Variants in SERPINF1 observed in about 807,000 individuals in gnomAD.
SERPINF1 encodes pigment epithelium-derived factor.
A neutral mutation model predicts 37.3 loss-of-function variants in SERPINF1; 29 were observed. The ratio of observed to expected loss-of-function variants is 0.78; its 90% CI spans 0.58 to 1.06. The LOEUF (loss-of-function observed/expected upper bound fraction) is 1.06, where lower values mean the gene tolerates loss of function less well. Ranked by LOEUF, SERPINF1 falls within the 50% of genes least tolerant of loss-of-function variation. SERPINF1 has a pLI of 0.00. For missense variants in SERPINF1, 553 were observed against 532.2 expected (o/e 1.04, Z -0.38); for synonymous variants, 281 against 227.9 (o/e 1.23, Z -2.10).
In SERPINF1 at chr17:1,775,094, C is replaced by T. The variant is rs758077212; in HGVS notation, c.680C>T (p.Ser227Phe). 1 of 1,613,938 alleles carries T rather than the reference C, an allele frequency of 6.2e-7. No individual in the cohort carries two copies. Among genetic ancestry groups the T allele is most frequent in the Non-Finnish European group, 8.5e-7 (1 of 1,180,010 alleles). Residue 227 changes from serine to phenylalanine, a missense_variant, in exon 6 of 8, where the codon TCC becomes TTC. Coordinates refer to ENST00000254722, the MANE Select transcript of SERPINF1 (RefSeq NM_002615.7). ...ACAAAGTTTGACTCCAGAAAGACTT[C>T]CCTCGAGGATTTCTACTTGGATGAA... is the stretch of plus-strand genomic sequence containing the variant. ...WVTKFDSRKTSLEDFYLDEER... is the reference protein window; with the variant it reads ...WVTKFDSRKTFLEDFYLDEER...
intron 2 of SERPINF1, 96 bp from the exon 3 acceptor site, chr17:1,769,756 C>T: frequency 2.1e-6 from 3 of 1,397,186 alleles, no homozygotes; most frequent in Non-Finnish European, 3.0e-6. Context: ...CCCAAGGGGC[C>T]AGAACCACCA....
intron 1 of SERPINF1, among the ~76,000 whole-genome samples, chr17:1,764,212 C>T (rs1335973709): frequency 6.6e-6 from 1 of 152,200 alleles, no homozygotes; most frequent in Non-Finnish European, 1.5e-5. Context: ...CCGGGATGAG[C>T]CTGTCTCCTC....
intron 3 of SERPINF1, 67 bp downstream of exon 3, chr17:1,770,117 G>T: frequency 6.4e-7 from 1 of 1,551,004 alleles, no homozygotes. Flanking sequence ...CTGCGTAAAC[G>T]TGGCTGAGTT....
At chr17:1,775,035 CTA>C in intron 5 of SERPINF1, 21 bp from the exon 6 acceptor site, 1 of 1,614,096 alleles carries the variant, frequency 6.2e-7, no homozygotes, top group Non-Finnish European at 8.5e-7. Flanking sequence ...GGGGCTCAGA[CTA>C]TGTCATACAC....
chr17:1,766,777 C>T (rs1429137117), intron 1 of SERPINF1, 126 bp from the exon 2 acceptor site: 3 of 808,418 alleles, frequency 3.7e-6, no homozygotes, highest in African/African-American at 2.4e-5. Flanking sequence ...GTGGTCGCTG[C>T]AGGGGGTGGG....
rs1368256548 is a variant in SERPINF1, at chr17:1,771,860, G to A, written c.440-12G>A. ...AGTCTCATACGCTAACCTCTGCTCC[G>A]CCTCTTCTCAGAGCTGCGCATAAAA... On this transcript the variant is annotated splice_polypyrimidine_tract_variant and intron_variant, in intron 4 of 7. Transcript: ENST00000254722. The A allele has an allele frequency of 8.1e-6, 13 of 1,609,434 alleles. No individual in the cohort carries two copies. Among genetic ancestry groups the A allele is most frequent in the Admixed American group, 1.7e-5 (1 of 59,972 alleles).
At chr17:1,773,074 G>A (rs939819740) in intron 5 of SERPINF1, among the ~76,000 whole-genome samples, 3 of 152,172 alleles carry the variant, frequency 2.0e-5, no homozygotes, top group African/African-American at 7.2e-5. Context: ...GGTCACAGCT[G>A]GGGGAGGATC....
chr17:1,770,692 T>A lies in SERPINF1; in HGVS notation c.284-337T>A. 8.8e-6 allele frequency: 3 copies of A among 339,588 alleles called. No homozygotes were observed. In the East Asian group the frequency reaches 2.3e-4, roughly 26 times the overall value. 21.0% of individuals were successfully genotyped at this position (339,588 alleles called of 1,614,324 possible). A position where few individuals can be genotyped will look rare whatever the true frequency, so the allele number is the denominator to read the frequency against. On this transcript the variant is annotated intron_variant, in intron 3 of 7. Coordinates refer to ENST00000254722, the MANE Select transcript of SERPINF1 (RefSeq NM_002615.7). ...CTAGGCTGGTCTCAAACTCCCGGGC[T>A]CAAGCGATCCACCCGCCTTGGCCTC...
At chr17:1,763,403 G>A (rs893314045) in intron 1 of SERPINF1, among the ~76,000 whole-genome samples, 3 of 152,204 alleles carry the variant, frequency 2.0e-5, no homozygotes, top group Non-Finnish European at 2.9e-5. Context: ...GCCCAGCAGG[G>A]AGGGTATCTA....
At chr17:1,772,364 C>G (rs1233689748) in intron 5 of SERPINF1, among the ~76,000 whole-genome samples, 4 of 152,072 alleles carry the variant, frequency 2.6e-5, no homozygotes, top group Non-Finnish European at 5.9e-5. Flanking sequence ...GGTCTGCCCG[C>G]CTCAGCCTCC....
At position 1,776,687 on chromosome 17, in the gene SERPINF1, C is replaced by T; in HGVS notation, c.942C>T (p.Val314=). 1 of 1,613,418 alleles carries T rather than the reference C, an allele frequency of 6.2e-7. No individual in the cohort carries two copies. The highest frequency in any genetic ancestry group is 1.3e-5 in the African/African-American group (1 of 74,918). Residue 314 remains valine (V), a synonymous_variant, in exon 7 of 8, where the codon GTC becomes GTT. Coordinates refer to ENST00000254722, the MANE Select transcript of SERPINF1 (RefSeq NM_002615.7). ...AGACCGTGCAGGCGGTCCTCACTGT[C>T]CCCAAGCTGAAGCTGAGTTATGAAG... ...ELKTVQAVLT[V]PKLKLSYEGE...
rs759097183 is a variant in SERPINF1, at chr17:1,776,612, AGAG to A, written c.871_873del (p.Glu291del). On this transcript the variant is annotated inframe_deletion, in exon 7 of 8. Transcript: ENST00000254722. ...AAGTGACCCAGAATTTGACCTTGAT[AGAG>A]GAGAGCCTCACCTCCGAGTTCATTC... 4.3e-6 allele frequency: 7 copies of A among 1,614,068 alleles called. No individual in the cohort carries two copies. Among genetic ancestry groups the A allele is most frequent in the Non-Finnish European group, 5.1e-6 (6 of 1,180,030 alleles).
chr17:1,767,021 G>C (rs982337398), intron 2 of SERPINF1, 27 bp downstream of exon 2: 1 of 1,535,824 alleles, frequency 6.5e-7, no homozygotes, highest in African/African-American at 1.4e-5. Flanking sequence ...GGAGGGCGTG[G>C]TCAGCATTCC....
intron 2 of SERPINF1, among the ~76,000 whole-genome samples, chr17:1,767,521 T>G (rs1029666458): frequency 6.6e-6 from 1 of 152,226 alleles, no homozygotes; most frequent in Non-Finnish European, 1.5e-5. Context: ...GTTCGGATAC[T>G]GACCAGGCTG....
chr17:1,772,246 A>G (rs1227700785), intron 5 of SERPINF1, among the ~76,000 whole-genome samples, 171 bp downstream of exon 5: 1 of 151,728 alleles, frequency 6.6e-6, no homozygotes, highest in Non-Finnish European at 1.5e-5. Flanking sequence ...CCTCCCGAGT[A>G]GCTGGGATTA....
At position 1,766,950 on chromosome 17, in the gene SERPINF1, C is replaced by T. The variant is rs754939813; in HGVS notation, c.40C>T (p.Leu14Phe). The stretch of plus-strand genomic sequence containing the variant: ...GCTACTCCTCTGCATTGGAGCCCTC[C>T]TCGGGCACAGCAGCTGCCAGAACCC... ...LVLLLCIGAL[L>F]GHSSCQNPAS... Residue 14 changes from leucine to phenylalanine, a missense_variant, in exon 2 of 8, where the codon CTC (leucine) becomes TTC (phenylalanine). Coordinates refer to ENST00000254722, the MANE Select transcript of SERPINF1 (RefSeq NM_002615.7). The T allele has an allele frequency of 6.4e-7, 1 of 1,564,872 alleles. No individual in the cohort carries two copies. Among genetic ancestry groups the T allele is most frequent in the South Asian group, 1.2e-5 (1 of 84,870 alleles).
At chr17:1,770,957 G>A (rs1299008652) in intron 3 of SERPINF1, 72 bp from the exon 4 acceptor site, 3 of 1,587,416 alleles carry the variant, frequency 1.9e-6, no homozygotes, top group Non-Finnish European at 8.6e-7. Context: ...TATAGTGTCT[G>A]TGTTCTGGGA....
chr17:1,765,212 G>A (rs1338606573), intron 1 of SERPINF1, among the ~76,000 whole-genome samples: 1 of 141,272 alleles, frequency 7.1e-6, no homozygotes, highest in Non-Finnish European at 1.5e-5. Flanking sequence ...GTGCGATCTT[G>A]GCTCACTGCA....
chr17:1,770,750 G>A (rs750578829), intron 3 of SERPINF1: 50 of 404,932 alleles, frequency 1.2e-4, no homozygotes, highest in East Asian at 1.2e-3. Context: ...GTGAGCCACC[G>A]CGCCTGGCCA....
Sources: allele counts gnomAD v4.1 joint callset (sites outside exome capture counted in the v4.1 genomes callset), GRCh38; gene constraint gnomAD v4.1.1; transcripts MANE v1.5; gene names NCBI Gene and HGNC (gene_info 2026-07-23, HGNC 2026-07-21).